The following SLC30A8 variants were observed in gnomAD, a reference collection of about 807,000 sequenced individuals.
The protein encoded by SLC30A8 is proton-coupled zinc antiporter SLC30A8.
SLC30A8 carries 27 observed loss-of-function variants against 36.9 expected under a neutral mutation model. The ratio of observed to expected loss-of-function variants is 0.73; its 90% confidence interval spans 0.54 to 1.01. The LOEUF is 1.01. Among genes scored for constraint, SLC30A8 ranks in the 50% least tolerant of loss-of-function variants. The probability of loss-of-function intolerance (pLI) is 0.00; values close to 1 mark genes in which losing one functional copy is unlikely to be tolerated. For missense variants in SLC30A8, 439 were observed against 452.0 expected, an observed-to-expected ratio of 0.97 and a Z score of 0.26; for synonymous variants, 164 against 172.4, an observed-to-expected ratio of 0.95 and a Z score of 0.38.
chr8:117,064,738 C>G (rs1177608140), intron 2 of SLC30A8, among the ~76,000 whole-genome samples: 1 of 152,240 alleles, frequency 6.6e-6, no homozygotes, highest in Non-Finnish European at 1.5e-5. Context: ...ATGAGACTTT[C>G]TCTGCGCCAG....
At chr8:117,171,304 G>T in intron 7 of SLC30A8, 136 bp downstream of exon 7, 1 of 1,015,110 alleles carries the variant, frequency 9.9e-7, no homozygotes, top group Non-Finnish European at 1.5e-6. Flanking sequence ...CTATTACCAA[G>T]GGCCTTTGAA....
chr8:117,049,011 GA>G (rs1817632908), intron 2 of SLC30A8, among the ~76,000 whole-genome samples: 1 of 152,170 alleles, frequency 6.6e-6, no homozygotes, highest in Non-Finnish European at 1.5e-5. Flanking sequence ...GGAGCTTTCT[GA>G]AGCATATATC....
At chr8:117,079,280 G>A (rs1818588384) in intron 2 of SLC30A8, among the ~76,000 whole-genome samples, 1 of 152,128 alleles carries the variant, frequency 6.6e-6, no homozygotes, top group African/African-American at 2.4e-5. Context: ...AAAGTGCTGG[G>A]ATTACAGGAG....
intron 1 of SLC30A8, among the ~76,000 whole-genome samples, chr8:117,028,725 G>T (rs1344144657): frequency 6.6e-6 from 1 of 151,612 alleles, no homozygotes; most frequent in Non-Finnish European, 1.5e-5. Flanking sequence ...ATATACATAT[G>T]ACAAATATAT....
chr8:116,976,822 CT>C (rs763561636), intron 1 of SLC30A8, among the ~76,000 whole-genome samples: 32 of 34,896 alleles, frequency 9.2e-4, no homozygotes, highest in Non-Finnish European at 1.1e-3. Context: ...TTCTTTCTTT[CT>C]TTTTTTTTTT....
chr8:116,963,047 A>G (rs1814482053), intron 1 of SLC30A8, among the ~76,000 whole-genome samples: 1 of 151,874 alleles, frequency 6.6e-6, no homozygotes, highest in Non-Finnish European at 1.5e-5. Context: ...CACGCAGCTC[A>G]GTTGGCCTGG....
intron 1 of SLC30A8, among the ~76,000 whole-genome samples, chr8:116,958,067 T>A (rs1367195747): frequency 1.3e-5 from 2 of 152,196 alleles, no homozygotes; most frequent in Admixed American, 1.3e-4. Context: ...GATTCTAATG[T>A]GCCTTTGTTA....
intron 1 of SLC30A8, among the ~76,000 whole-genome samples, chr8:117,002,327 A>G (rs919119280): frequency 1.3e-5 from 2 of 152,190 alleles, no homozygotes; most frequent in African/African-American, 2.4e-5. Context: ...AGTAGTTTCT[A>G]GCCCTCAATG....
chr8:116,977,289 C>CTCGGGT (rs1296794588), intron 1 of SLC30A8, among the ~76,000 whole-genome samples: 1 of 148,958 alleles, frequency 6.7e-6, no homozygotes, highest in Non-Finnish European at 1.5e-5. Context: ...GCTGGGACTA[C>CTCGGGT]AGGCGCCCGC....
At chr8:116,961,377 CG>C (rs1814414244) in intron 1 of SLC30A8, among the ~76,000 whole-genome samples, 1 of 152,006 alleles carries the variant, frequency 6.6e-6, no homozygotes, top group African/African-American at 2.4e-5. Flanking sequence ...TGCAGTGAGC[CG>C]AGATCGCGCC....
At position 117,135,283 on chromosome 8, in the gene SLC30A8, G is replaced by A. The variant is rs112881768; in HGVS notation, c.-45G>A. On this transcript the variant is annotated 5_prime_UTR_variant, in exon 1 of 8. Transcript: ENST00000456015. ...CTTTGCTTCCAAAACTGGGCAGTGA[G>A]TTCAACAACAACGACAACAACAGCC... is the stretch of plus-strand genomic sequence containing the variant. The A allele has an allele frequency of 5.7e-4, 846 of 1,495,922 alleles. 3 individuals carry two copies. In the African/African-American group the frequency reaches 0.011, roughly 19 times the overall value. The allele number at this position is 1,495,922 out of a possible 1,614,324, so 92.7% of individuals were successfully genotyped here.
chr8:117,121,706 C>A (rs902509376), intron 2 of SLC30A8, among the ~76,000 whole-genome samples: 1 of 151,910 alleles, frequency 6.6e-6, no homozygotes, highest in East Asian at 1.9e-4. Flanking sequence ...CATGGATGAA[C>A]CTTGAAGGCA....
At chr8:116,960,506 C>G (rs1814380988) in intron 1 of SLC30A8, among the ~76,000 whole-genome samples, 1 of 152,120 alleles carries the variant, frequency 6.6e-6, no homozygotes, top group South Asian at 2.1e-4. Flanking sequence ...ATTGCCTTTA[C>G]AAAGGGAAAT....
chr8:117,159,684 T>C (rs915527701), intron 4 of SLC30A8, among the ~76,000 whole-genome samples: 1 of 152,198 alleles, frequency 6.6e-6, no homozygotes, highest in Non-Finnish European at 1.5e-5. Flanking sequence ...AGCACACATA[T>C]TGCTGACTAC....
At chr8:117,145,388 A>G (rs1028813825) in intron 1 of SLC30A8, among the ~76,000 whole-genome samples, 2 of 151,942 alleles carry the variant, frequency 1.3e-5, no homozygotes, top group Admixed American at 6.6e-5. Flanking sequence ...CAGATTTTCT[A>G]TAATGAATAT....
intron 1 of SLC30A8, among the ~76,000 whole-genome samples, chr8:117,032,514 A>T (rs998079494): frequency 4.6e-5 from 7 of 152,232 alleles, no homozygotes; most frequent in African/African-American, 1.7e-4. Flanking sequence ...CATTCACTAA[A>T]CACTCAACAT....
intron 2 of SLC30A8, among the ~76,000 whole-genome samples, chr8:117,064,683 A>C (rs1818116005): frequency 6.6e-6 from 1 of 152,208 alleles, no homozygotes; most frequent in Admixed American, 6.5e-5. Context: ...CTCAGTGATC[A>C]GGGGACCCAG....
At chr8:117,046,183 G>A (rs10216387) in intron 2 of SLC30A8, among the ~76,000 whole-genome samples, 6 of 151,970 alleles carry the variant, frequency 3.9e-5, no homozygotes, top group South Asian at 2.1e-4. Flanking sequence ...GAAGATGTAA[G>A]TTTAAACCTA....
chr8:117,129,575 T>A (rs769859016), intron 2 of SLC30A8, among the ~76,000 whole-genome samples: 49 of 152,040 alleles, frequency 3.2e-4, no homozygotes, highest in Admixed American at 7.2e-4. Flanking sequence ...CTAACAACTC[T>A]TATTAAAAAT....
Sources: allele counts gnomAD v4.1 joint callset (sites outside exome capture counted in the v4.1 genomes callset), GRCh38; gene constraint gnomAD v4.1.1; transcripts MANE v1.5; gene names NCBI Gene and HGNC (gene_info 2026-07-23, HGNC 2026-07-21).